The following PHACTR2 variants were observed in gnomAD, a reference collection of about 807,000 sequenced individuals.
PHACTR2 encodes chromosome 6 open reading frame 56.
In PHACTR2, 30 loss-of-function variants were observed where a neutral mutation model predicts 76.0. The ratio of observed to expected loss-of-function variants is 0.39; its 90% confidence interval spans 0.30 to 0.54. The LOEUF (loss-of-function observed/expected upper bound fraction) is 0.54. Ranked by LOEUF, PHACTR2 falls within the 20% of genes least tolerant of loss-of-function variation. The pLI is 0.61. For synonymous variants in PHACTR2, 292 were observed against 292.5 expected, an observed-to-expected ratio of 1.00 and a Z score of 0.02; for missense variants, 696 against 781.1, an observed-to-expected ratio of 0.89 and a Z score of 1.30.
chr6:143,703,559 T>C (rs1233627049), intron 1 of PHACTR2, among the ~76,000 whole-genome samples: 1 of 152,224 alleles, frequency 6.6e-6, no homozygotes, highest in African/African-American at 2.4e-5. Flanking sequence ...ATCCTTTCAA[T>C]ACATTCTAAT....
In PHACTR2 at chr6:143,754,968, A is replaced by G. The variant is rs1779267592; in HGVS notation, c.454+1056A>G. Among the ~76,000 whole-genome samples the G allele has an allele frequency of 6.6e-6, 1 of 152,200 alleles. No individual in the cohort carries two copies. The stretch of plus-strand genomic sequence containing the variant: ...AGATTATTTGATGGCCCTATTAAAC[A>G]CACCATTGTAACTTAAAATCATCCT... On this transcript the variant is annotated intron_variant, in intron 4 of 12. Transcript: ENST00000440869. This position sits in a 1 kb window ranked among gnomAD's most constrained non-coding sequence, Gnocchi z 6.2.
chr6:143,568,248 T>C (rs1416206), intron 1 of PHACTR2, among the ~76,000 whole-genome samples: 93,222 of 152,060 alleles, frequency 0.61, 28,922 homozygotes, highest in Middle Eastern at 0.72. Context: ...CTGAGTTCCC[T>C]GAGTTTTCTC....
In PHACTR2 at chr6:143,557,220, A is replaced by C. The variant is rs1319502952; in HGVS notation, c.217+20013A>C. On this transcript the variant is annotated intron_variant, in intron 1 of 11. Transcript: ENST00000367584. This position sits in a 1 kb window ranked among gnomAD's most constrained non-coding sequence, Gnocchi z 5.5. ...CATCATCATCACTAGTATTGCAGAG[A>C]AGTTTAAAAGGATTCTCATCTCTCA... Among the ~76,000 whole-genome samples, 2 of 152,192 alleles carry C rather than the reference A, an allele frequency of 1.3e-5. No individual in the cohort carries two copies. Among genetic ancestry groups the C allele is most frequent in the Non-Finnish European group, 2.9e-5 (2 of 68,040 alleles).
At position 143,710,052 on chromosome 6, in the gene PHACTR2, C is replaced by A. The variant is rs750778839; in HGVS notation, c.47-1964C>A. 6.6e-6 allele frequency among the ~76,000 whole-genome samples: 1 copy of A among 152,102 alleles called. No homozygotes were observed. Among genetic ancestry groups the A allele is most frequent in the East Asian group, 1.9e-4 (1 of 5,188 alleles). On this transcript the variant is annotated intron_variant, in intron 1 of 12. Coordinates refer to ENST00000440869, the MANE Select transcript of PHACTR2 (RefSeq NM_001100164.2). This position sits in a 1 kb window ranked among gnomAD's most constrained non-coding sequence, Gnocchi z 4.9. ...TGGTCACAGGTTCTTCTATGGTGCT[C>A]GGCTGTAGTAGAGCAGTTATTGTCT...
Position 143,608,308 on chromosome 6 carries a change from A to C in PHACTR2, c.-2A>C. ...CAGAACTCGCCTCGCCACTCCTGAG[A>C]CATGGACAACGCCGGTGGGTAAATC... On this transcript the variant is annotated 5_prime_UTR_variant, in exon 1 of 12. Transcript: ENST00000305766. This position sits in a 1 kb window ranked among gnomAD's most constrained non-coding sequence, Gnocchi z 4.6. The C allele has an allele frequency of 6.2e-7, 1 of 1,614,170 alleles. No homozygotes were observed. The highest frequency in any genetic ancestry group is 1.1e-5 in the South Asian group (1 of 91,080).
chr6:143,782,497 A>C lies in PHACTR2; in HGVS notation c.1646-722A>C, dbSNP rs189477952. Among the ~76,000 whole-genome samples the C allele has an allele frequency of 2.6e-4, 40 of 152,346 alleles. 1 individual carries two copies. In the East Asian group the frequency reaches 6.9e-3, roughly 26 times the overall value. On this transcript the variant is annotated intron_variant, in intron 9 of 12. Transcript: ENST00000440869. The surrounding 1 kb of genome is among the most constrained non-coding windows in gnomAD (Gnocchi z 4.6). ...TGAAGGGGTGTTTATTTCTTTAAAA[A>C]TTTTGGACATTTTTCTTTAAATCCC... is the stretch of plus-strand genomic sequence containing the variant.
Position 143,823,776 on chromosome 6 carries a change from G to C in PHACTR2, c.*87G>C, listed in dbSNP as rs549540778. ...AAAACCTGATATTGCACTGGGATTTGAATGTGTGTGTTTCCGTTTAACTTG... is the reference window on the plus strand; with the variant it reads ...AAAACCTGATATTGCACTGGGATTTCAATGTGTGTGTTTCCGTTTAACTTG... On this transcript the variant is annotated 3_prime_UTR_variant, in exon 13 of 13. Coordinates refer to ENST00000440869, the MANE Select transcript of PHACTR2 (RefSeq NM_001100164.2). This position sits in a 1 kb window ranked among gnomAD's most constrained non-coding sequence, Gnocchi z 5.7. 2.8e-6 allele frequency: 3 copies of C among 1,063,148 alleles called. No individual in the cohort carries two copies. The highest frequency in any genetic ancestry group is 1.5e-5 in the African/African-American group (1 of 64,612). 65.9% of individuals were successfully genotyped at this position (1,063,148 alleles called of 1,614,324 possible). A position where few individuals can be genotyped will look rare whatever the true frequency, so the allele number is the denominator to read the frequency against.
intron 1 of PHACTR2, among the ~76,000 whole-genome samples, chr6:143,640,031 A>AAACTGTGTAACTGTAACTGTAATG (rs1776537465): frequency 6.6e-6 from 1 of 152,214 alleles, no homozygotes; most frequent in Non-Finnish European, 1.5e-5. Flanking sequence ...TGTAACTGTA[A>AAACTGTGTAACTGTAACTGTAATG]TAGAGTTGAA....
At chr6:143,593,329 AC>A (rs1673633267) in intron 1 of PHACTR2, among the ~76,000 whole-genome samples, 1 of 50,384 alleles carries the variant, frequency 2.0e-5, no homozygotes, top group African/African-American at 8.4e-5. Flanking sequence ...CAAGGAGGAA[AC>A]ACAGGGGGTG....
rs1025871425 is a variant in PHACTR2 at position 143,755,567 on chromosome 6, G to C, written c.454+1655G>C. 16 of 305,482 alleles carry C rather than the reference G, an allele frequency of 5.2e-5. No individual in the cohort carries two copies. Among genetic ancestry groups the C allele is most frequent in the Non-Finnish European group, 9.1e-5 (14 of 153,840 alleles). 18.9% of individuals were successfully genotyped at this position (305,482 alleles called of 1,614,324 possible). A position where few individuals can be genotyped will look rare whatever the true frequency, so the allele number is the denominator to read the frequency against. On this transcript the variant is annotated intron_variant, in intron 4 of 12. Transcript: ENST00000440869. The surrounding 1 kb of genome is among the most constrained non-coding windows in gnomAD (Gnocchi z 5.2). ...CTTATGGGTCCATGAATAGTTGAGAGATGTTTTTCTTTGCTTAGAATTAGT... is the reference window on the plus strand; with the variant it reads ...CTTATGGGTCCATGAATAGTTGAGACATGTTTTTCTTTGCTTAGAATTAGT...
rs978976927 is a variant in PHACTR2 at position 143,743,956 on chromosome 6, A to G, written c.215-5029A>G. 6.6e-6 allele frequency among the ~76,000 whole-genome samples: 1 copy of G among 152,232 alleles called. No homozygotes were observed. The highest frequency in any genetic ancestry group is 2.4e-5 in the African/African-American group (1 of 41,454). ...AAATCCCAGCCAAGTATCCGCAGAA[A>G]AAAGCCAGCGGCATATGCTCCAGCC... is the stretch of plus-strand genomic sequence containing the variant. On this transcript the variant is annotated intron_variant, in intron 2 of 12. Coordinates refer to ENST00000440869, the MANE Select transcript of PHACTR2 (RefSeq NM_001100164.2). The surrounding 1 kb of genome is among the most constrained non-coding windows in gnomAD (Gnocchi z 5.0).
At position 143,742,138 on chromosome 6, in the gene PHACTR2, T is replaced by G. The variant is rs918996957; in HGVS notation, c.215-6847T>G. On this transcript the variant is annotated intron_variant, in intron 2 of 12. Coordinates refer to ENST00000440869, the MANE Select transcript of PHACTR2 (RefSeq NM_001100164.2). The surrounding 1 kb of genome is among the most constrained non-coding windows in gnomAD (Gnocchi z 4.5). ...AAAAACAACAACATTTATTTGATAC[T>G]TTTTTGATTAGTCAGGGCTCTTCAC... Among the ~76,000 whole-genome samples the G allele has an allele frequency of 6.6e-6, 1 of 151,446 alleles. No homozygotes were observed. Among genetic ancestry groups the G allele is most frequent in the Non-Finnish European group, 1.5e-5 (1 of 67,954 alleles).
rs1175902830 is a variant in PHACTR2 at position 143,652,136 on chromosome 6, G to A, written c.13+43814G>A. Among the ~76,000 whole-genome samples the A allele has an allele frequency of 2.6e-5, 4 of 151,666 alleles. No homozygotes were observed. The East Asian group carries it at 7.7e-4, about 29-fold the overall frequency. The stretch of plus-strand genomic sequence containing the variant: ...TACTAAAAATGATGGCGGTGATGGG[G>A]GAACCGTTTACTAGGTACAACCACA... On this transcript the variant is annotated intron_variant, in intron 1 of 11. Coordinates refer to the PHACTR2 transcript ENST00000305766. This position sits in a 1 kb window ranked among gnomAD's most constrained non-coding sequence, Gnocchi z 4.5.
At position 143,737,748 on chromosome 6, in the gene PHACTR2, A is replaced by G. The variant is rs373360653; in HGVS notation, c.215-11237A>G. Among the ~76,000 whole-genome samples the G allele has an allele frequency of 1.1e-3, 162 of 152,350 alleles. 1 individual carries two copies. Among genetic ancestry groups the G allele is most frequent in the African/African-American group, 3.8e-3 (157 of 41,584 alleles). ...GAAAATAAAAACTTCAGTTGAAACT[A>G]CCCATTTTCCTATCACTGCAGGGTT... On this transcript the variant is annotated intron_variant, in intron 2 of 12. Coordinates refer to ENST00000440869, the MANE Select transcript of PHACTR2 (RefSeq NM_001100164.2).
upstream of PHACTR2, among the ~76,000 whole-genome samples, chr6:143,674,033 T>C (rs1484165625): frequency 6.6e-6 from 1 of 152,236 alleles, no homozygotes; most frequent in East Asian, 1.9e-4. This position sits in a 1 kb window ranked among gnomAD's most constrained non-coding sequence, Gnocchi z 4.9. Context: ...GTTGTAATTC[T>C]TTCCTTAACA....
chr6:143,564,198 T>C (rs1287228444), intron 1 of PHACTR2, among the ~76,000 whole-genome samples: 1 of 70,406 alleles, frequency 1.4e-5, no homozygotes, highest in Non-Finnish European at 3.1e-5. Flanking sequence ...TGTGTGTGCA[T>C]ATATATATAT....
At chr6:143,538,428 G>T (rs1781139766) in intron 1 of PHACTR2, among the ~76,000 whole-genome samples, 1 of 152,212 alleles carries the variant, frequency 6.6e-6, no homozygotes, top group Non-Finnish European at 1.5e-5. Context: ...CACCAGATGC[G>T]TCAAGTTTCC....
chr6:143,713,917 C>T (rs976094509), intron 2 of PHACTR2, among the ~76,000 whole-genome samples: 6 of 152,084 alleles, frequency 3.9e-5, no homozygotes, highest in East Asian at 1.9e-4. Flanking sequence ...CGTACGAAAA[C>T]GAACATAAGA....
At chr6:143,603,606 C>T (rs767067056), upstream of PHACTR2, among the ~76,000 whole-genome samples, 6 of 152,190 alleles carry the variant, frequency 3.9e-5, no homozygotes, top group Admixed American at 2.0e-4. Flanking sequence ...CATAGTAGAA[C>T]ATTGGATAAA....
Sources: allele counts gnomAD v4.1 joint callset (sites outside exome capture counted in the v4.1 genomes callset), GRCh38; gene constraint gnomAD v4.1.1; non-coding constraint Gnocchi (gnomAD v3.1); transcripts MANE v1.5; gene names NCBI Gene and HGNC (gene_info 2026-07-23, HGNC 2026-07-21).